The following ARMH4 variants were observed in gnomAD, a reference collection of about 807,000 sequenced individuals.
ARMH4 encodes armadillo like helical domain containing 4.
A neutral mutation model predicts 61.9 loss-of-function variants in ARMH4; 49 were observed. The ratio of observed to expected loss-of-function variants is 0.79; its 90% CI spans 0.63 to 1.00. The LOEUF (loss-of-function observed/expected upper bound fraction) is 1.00. Among genes scored for constraint, ARMH4 ranks in the 50% least tolerant of loss-of-function variants. The pLI is 0.00. For synonymous variants in ARMH4, 368 were observed against 341.5 expected (o/e 1.08, Z -0.85); for missense variants, 934 against 930.0 (o/e 1.00, Z -0.06).
chr14:58,093,096 A>T (rs192984225), intron 5 of ARMH4, among the ~76,000 whole-genome samples: 3 of 152,198 alleles, frequency 2.0e-5, no homozygotes, highest in Non-Finnish European at 4.4e-5. Context: ...CTTTTACCCC[A>T]CTGCAATTTT....
intron 5 of ARMH4, among the ~76,000 whole-genome samples, chr14:58,090,712 C>A (rs1885525977): frequency 1.3e-5 from 2 of 151,536 alleles, no homozygotes; most frequent in African/African-American, 4.9e-5. Context: ...AACCCCATCT[C>A]TACTAAAAAT....
At position 58,139,267 on chromosome 14, in the gene ARMH4, A is replaced by G. The variant is rs781220051; in HGVS notation, c.92T>C (p.Ile31Thr). The G allele has an allele frequency of 1.2e-6, 2 of 1,613,884 alleles. No individual in the cohort carries two copies. Among genetic ancestry groups the G allele is most frequent in the Non-Finnish European group, 1.7e-6 (2 of 1,179,992 alleles). Reference protein sequence around the residue: ...VATQCLAFPKIERRREIAHVH... With the variant: ...VATQCLAFPKTERRREIAHVH... ...ATGTGCTATCTCCCTCCTCCTTTCTATTTTGGGGAAGGCCAGACATTGTGT... is the reference window on the plus strand; with the variant it reads ...ATGTGCTATCTCCCTCCTCCTTTCTGTTTTGGGGAAGGCCAGACATTGTGT... Residue 31 changes from isoleucine to threonine, a missense_variant, in exon 2 of 8, where the codon ATA (isoleucine) becomes ACA (threonine). Coordinates refer to ENST00000267485, the MANE Select transcript of ARMH4 (RefSeq NM_001001872.4).
intron 1 of ARMH4, among the ~76,000 whole-genome samples, chr14:58,141,117 C>T (rs1451495509): frequency 6.6e-6 from 1 of 152,024 alleles, no homozygotes; most frequent in South Asian, 2.1e-4. Context: ...TATAGCAGCC[C>T]AAATGGACTA....
In ARMH4 at chr14:58,133,607, T is replaced by C. The variant is rs576335718; in HGVS notation, c.1370-266A>G. 7.5e-4 allele frequency among the ~76,000 whole-genome samples: 114 copies of C among 152,292 alleles called. 1 individual carries two copies. The highest frequency in any genetic ancestry group is 1.3e-3 in the Non-Finnish European group (90 of 68,014). ...ATCTAAAACAAAGTAGGAAGATCAA[T>C]TGCTGAGCTCCCTTTCAGGCACATG... On this transcript the variant is annotated intron_variant, in intron 2 of 7. Transcript: ENST00000267485.
intron 5 of ARMH4, among the ~76,000 whole-genome samples, chr14:58,087,061 T>C (rs1358225434): frequency 1.3e-5 from 2 of 152,238 alleles, no homozygotes; most frequent in East Asian, 1.9e-4. Flanking sequence ...AAAGATATTT[T>C]AAGAAATGCT....
At chr14:58,026,289 G>A (rs573943313) in intron 5 of ARMH4, among the ~76,000 whole-genome samples, 1 of 151,834 alleles carries the variant, frequency 6.6e-6, no homozygotes, top group African/African-American at 2.4e-5. Context: ...TTATTCACCA[G>A]GGGAGAAAAA....
chr14:58,011,525 G>GT (rs1350410246), intron 6 of ARMH4, among the ~76,000 whole-genome samples: 1 of 152,060 alleles, frequency 6.6e-6, no homozygotes, highest in East Asian at 1.9e-4. Context: ...ATCTTTATGA[G>GT]TAATTCAGTT....
chr14:58,010,645 AGC>A (rs1287923041), intron 6 of ARMH4, among the ~76,000 whole-genome samples: 6 of 152,162 alleles, frequency 3.9e-5, no homozygotes, highest in Non-Finnish European at 5.9e-5. Flanking sequence ...GATAAAAAGG[AGC>A]AAGAAAAAGG....
intron 4 of ARMH4, among the ~76,000 whole-genome samples, chr14:58,126,527 G>A (rs1886899727): frequency 6.6e-6 from 1 of 152,172 alleles, no homozygotes. Context: ...ATGCACACAT[G>A]TGCACACATG....
intron 4 of ARMH4, among the ~76,000 whole-genome samples, chr14:58,127,691 T>C (rs1488658788): frequency 6.6e-6 from 1 of 152,190 alleles, no homozygotes; most frequent in Non-Finnish European, 1.5e-5. Context: ...GAATTGCTTT[T>C]TTCTTGCAGA....
intron 5 of ARMH4, among the ~76,000 whole-genome samples, chr14:58,028,261 G>A (rs1436279776): frequency 6.6e-6 from 1 of 152,124 alleles, no homozygotes; most frequent in Admixed American, 6.5e-5. Flanking sequence ...TTCATGGAGG[G>A]TGTTTTACCC....
rs112579965 is a variant in ARMH4, at chr14:58,074,893, T to C, written c.2089+21831A>G. 5.1e-4 allele frequency among the ~76,000 whole-genome samples: 77 copies of C among 152,346 alleles called. 1 individual carries two copies. Among genetic ancestry groups the C allele is most frequent in the African/African-American group, 1.8e-3 (74 of 41,586 alleles). ...AACCATTAGCTCTTGCAATTCAATA[T>C]GTGCTGGCTCCAGCACAGTGCTGGA... On this transcript the variant is annotated intron_variant, in intron 5 of 7. Transcript: ENST00000267485.
chr14:58,107,536 C>G (rs1048652705), intron 4 of ARMH4, among the ~76,000 whole-genome samples: 1 of 152,006 alleles, frequency 6.6e-6, no homozygotes, highest in Non-Finnish European at 1.5e-5. Context: ...GAGGCCAAGG[C>G]AAGTGAATCA....
At chr14:58,118,811 C>G (rs568871761) in intron 4 of ARMH4, among the ~76,000 whole-genome samples, 45 of 152,092 alleles carry the variant, frequency 3.0e-4, no homozygotes, top group Non-Finnish European at 6.2e-4. Context: ...TTAAAAATTT[C>G]TACTAATTTC....
At chr14:58,144,800 C>T (rs1429111999) in intron 1 of ARMH4, among the ~76,000 whole-genome samples, 1 of 151,736 alleles carries the variant, frequency 6.6e-6, no homozygotes, top group Admixed American at 6.6e-5. Context: ...CCCAGGAGGC[C>T]GAGCTTGCCG....
Position 58,130,634 on chromosome 14 carries a change from C to T in ARMH4, c.1831+878G>A, listed in dbSNP as rs79028520. 5.2e-3 allele frequency among the ~76,000 whole-genome samples: 786 copies of T among 152,242 alleles called. 6 individuals carry two copies. The highest frequency in any genetic ancestry group is 0.018 in the African/African-American group (757 of 41,548). The stretch of plus-strand genomic sequence containing the variant: ...GTCTTCTTATTTGTTGATAGGCAGC[C>T]GTGCCTCAAGTTTCTTTTACATGCT... On this transcript the variant is annotated intron_variant, in intron 4 of 7. Transcript: ENST00000267485.
At chr14:58,056,735 T>C (rs1242461138) in intron 5 of ARMH4, among the ~76,000 whole-genome samples, 2 of 152,162 alleles carry the variant, frequency 1.3e-5, no homozygotes, top group Non-Finnish European at 2.9e-5. Flanking sequence ...TCATCAGTGT[T>C]GGCTCTCTAA....
intron 5 of ARMH4, among the ~76,000 whole-genome samples, chr14:58,046,360 T>G (rs1278056050): frequency 1.3e-5 from 2 of 152,198 alleles, no homozygotes; most frequent in East Asian, 3.8e-4. Flanking sequence ...ATGATCTAGT[T>G]CAATTCTGGC....
intron 1 of ARMH4, among the ~76,000 whole-genome samples, chr14:58,142,016 A>T (rs1887578300): frequency 6.6e-6 from 1 of 152,264 alleles, no homozygotes; most frequent in Admixed American, 6.5e-5. Context: ...TACAACTAAA[A>T]CTATATTAAA....
Sources: gnomAD v4.1 joint callset for allele counts (sites outside exome capture counted in the v4.1 genomes callset) on GRCh38, gnomAD v4.1.1 for gene constraint, MANE v1.5 for transcripts, NCBI Gene and HGNC (gene_info 2026-07-23, HGNC 2026-07-21) for gene names.